The following ZNF429 variants were observed in gnomAD, a reference collection of about 807,000 sequenced individuals.
The protein encoded by ZNF429 is zinc finger protein 429.
A neutral mutation model predicts 56.8 loss-of-function variants in ZNF429; 53 were observed. The observed-to-expected ratio is 0.93, with a 90% CI of 0.75 to 1.17. ZNF429 has a LOEUF of 1.17. ZNF429 is among the 50% of genes most tolerant of loss of function. The pLI, the probability that ZNF429 is intolerant of heterozygous loss-of-function variation, is 0.00. For missense variants in ZNF429, 849 were observed against 788.4 expected, an observed-to-expected ratio of 1.08 and a Z score of -0.92; for synonymous variants, 278 against 264.7, an observed-to-expected ratio of 1.05 and a Z score of -0.49.
chr19:21,536,925 GC>G lies in ZNF429; in HGVS notation c.873del (p.Thr293ProfsTer13). ...AAGCCCTACAAATGTGATGAATGTGGCAAAACCTTTAGCATATCCTCAACCT... is the reference window on the plus strand; with the variant it reads ...AAGCCCTACAAATGTGATGAATGTGGAAAACCTTTAGCATATCCTCAACCT... ...GEKPYKCDEC[G>X]KTFSISSTFT... On this transcript the variant is annotated frameshift_variant, in exon 4 of 4. Coordinates refer to ENST00000358491, the MANE Select transcript of ZNF429 (RefSeq NM_001001415.4). LOFTEE classifies it high-confidence loss of function. The G allele has an allele frequency of 6.2e-7, 1 of 1,612,288 alleles. No individual in the cohort carries two copies.
chr19:21,511,138 C>T (rs1375324805), intron 1 of ZNF429, among the ~76,000 whole-genome samples: 1 of 152,190 alleles, frequency 6.6e-6, no homozygotes, highest in Non-Finnish European at 1.5e-5. Context: ...AGGGGCTCCT[C>T]ACTTCCCAGA....
In ZNF429 at chr19:21,540,441, C is replaced by T. The variant is rs562537944; in HGVS notation, c.*2363C>T. On this transcript the variant is annotated 3_prime_UTR_variant, in exon 4 of 4. Transcript: ENST00000358491. ...TACATAATATGTGTATATATTTATG[C>T]AAATCTGGCATATTTTGATAGAGGC... Among the ~76,000 whole-genome samples, 32 of 151,666 alleles carry T rather than the reference C, an allele frequency of 2.1e-4. No individual in the cohort carries two copies. The South Asian group carries it at 3.1e-3, about 15-fold the overall frequency.
In ZNF429 at chr19:21,537,700, C is replaced by G; in HGVS notation, c.1647C>G (p.Ser549=). 6.2e-7 allele frequency: 1 copy of G among 1,611,626 alleles called. No homozygotes were observed. Among genetic ancestry groups the G allele is most frequent in the Non-Finnish European group, 8.5e-7 (1 of 1,179,464 alleles). ...CEECGKAFNR[S]SRLTQHKKIH... is the part of the protein sequence containing the mutation. ...AATGTGGCAAAGCTTTTAACCGGTC[C>G]TCAAGACTTACTCAACATAAGAAAA... Residue 549 remains serine (S), a synonymous_variant, in exon 4 of 4, where the codon TCC becomes TCG. Transcript: ENST00000358491.
rs527305081 is a variant in ZNF429 at position 21,539,058 on chromosome 19, C to CT, written c.*988dup. On this transcript the variant is annotated 3_prime_UTR_variant, in exon 4 of 4. Transcript: ENST00000358491. ...AGCAAGTGTAATAAATTTGGAAAAA[C>CT]TTTTTTTTCCCCAAAAACTATACCT... 6.6e-6 allele frequency among the ~76,000 whole-genome samples: 1 copy of CT among 151,902 alleles called. No individual in the cohort carries two copies. The highest frequency in any genetic ancestry group is 6.6e-5 in the Admixed American group (1 of 15,236).
chr19:21,517,747 G>A (rs2032815545), intron 1 of ZNF429, among the ~76,000 whole-genome samples: 1 of 150,262 alleles, frequency 6.7e-6, no homozygotes, highest in East Asian at 1.9e-4. Flanking sequence ...GACTTCAGTA[G>A]TTATTTGTAT....
chr19:21,509,767 T>C (rs1447855615), intron 1 of ZNF429, among the ~76,000 whole-genome samples: 1 of 152,168 alleles, frequency 6.6e-6, no homozygotes, highest in African/African-American at 2.4e-5. Flanking sequence ...TTTTAGACTT[T>C]GTAAAGTAGA....
chr19:21,525,155 A>G (rs1452842527), intron 1 of ZNF429, among the ~76,000 whole-genome samples: 1 of 152,152 alleles, frequency 6.6e-6, no homozygotes, highest in African/African-American at 2.4e-5. Flanking sequence ...GTAACTTCTG[A>G]TGTCATCAGC....
intron 3 of ZNF429, among the ~76,000 whole-genome samples, chr19:21,531,129 ACCAAAAAAAAAAAAAC>A: frequency 1.1e-5 from 1 of 94,630 alleles, no homozygotes; most frequent in Admixed American, 1.0e-4. Flanking sequence ...AAAAAAAAAA[ACCAAAAAAAAAAAAAC>A]ACCCGTCTTG....
chr19:21,539,497 C>T lies in ZNF429; in HGVS notation c.*1419C>T, dbSNP rs1234614324. 6.6e-6 allele frequency among the ~76,000 whole-genome samples: 1 copy of T among 151,970 alleles called. No homozygotes were observed. The highest frequency in any genetic ancestry group is 6.6e-5 in the Admixed American group (1 of 15,240). On this transcript the variant is annotated 3_prime_UTR_variant, in exon 4 of 4. Transcript: ENST00000358491. The stretch of plus-strand genomic sequence containing the variant: ...AGTTCAGTGGCACAATTTCAGCTTG[C>T]TGCCAACTTCGACCTTTGGGTTCAA...
intron 1 of ZNF429, among the ~76,000 whole-genome samples, chr19:21,508,856 C>T (rs781240247): frequency 5.3e-5 from 8 of 152,142 alleles, no homozygotes; most frequent in Non-Finnish European, 1.0e-4. Context: ...AGGTGAGTTA[C>T]ATGAATTCAT....
intron 1 of ZNF429, among the ~76,000 whole-genome samples, chr19:21,513,397 C>T (rs1023508800): frequency 6.6e-6 from 1 of 152,104 alleles, no homozygotes; most frequent in Non-Finnish European, 1.5e-5. Flanking sequence ...CTCTGAGTAG[C>T]TCTGTCCAAT....
chr19:21,513,575 A>G (rs1188963780), intron 1 of ZNF429, among the ~76,000 whole-genome samples: 1 of 152,170 alleles, frequency 6.6e-6, no homozygotes, highest in Non-Finnish European at 1.5e-5. Context: ...TTCAAATGTT[A>G]GACATTGAGT....
intron 1 of ZNF429, among the ~76,000 whole-genome samples, chr19:21,522,917 C>T (rs894394653): frequency 6.6e-5 from 10 of 151,724 alleles, no homozygotes; most frequent in Admixed American, 2.0e-4. Context: ...AAAGTGTATA[C>T]TGTCCCGTAA....
intron 1 of ZNF429, among the ~76,000 whole-genome samples, chr19:21,510,368 G>A (rs549646240): frequency 2.0e-5 from 3 of 152,242 alleles, no homozygotes; most frequent in Admixed American, 2.0e-4. Flanking sequence ...AAATTTCAGC[G>A]AGGTCTGATA....
chr19:21,522,573 T>G (rs925741291), intron 1 of ZNF429, among the ~76,000 whole-genome samples: 2 of 152,194 alleles, frequency 1.3e-5, no homozygotes, highest in African/African-American at 4.8e-5. Context: ...TAGAGGGTAC[T>G]TTTCCTCTCA....
At position 21,533,664 on chromosome 19, in the gene ZNF429, G is replaced by GT; in HGVS notation, c.227-2608dup. ...ACTTTATTTTACCAGTGTTTCTTTT[G>GT]TTTTTTTTCAATACAGAGTCTTGCT... On this transcript the variant is annotated intron_variant, in intron 3 of 3. Transcript: ENST00000358491. 8.8e-4 allele frequency among the ~76,000 whole-genome samples: 131 copies of GT among 149,230 alleles called. 1 individual carries two copies. Among genetic ancestry groups the GT allele is most frequent in the African/African-American group, 3.0e-3 (121 of 40,576 alleles).
In ZNF429 at chr19:21,538,220, T is replaced by G. The variant is rs1218685805; in HGVS notation, c.*142T>G. ...CCTGAACCCGGAGGTGGAGCTTGCA[T>G]TGAGCCAAGATCACACCACTGCACT... On this transcript the variant is annotated 3_prime_UTR_variant, in exon 4 of 4. Coordinates refer to ENST00000358491, the MANE Select transcript of ZNF429 (RefSeq NM_001001415.4). 1.6e-5 allele frequency: 6 copies of G among 368,178 alleles called. No homozygotes were observed. Among genetic ancestry groups the G allele is most frequent in the South Asian group, 9.0e-5 (3 of 33,440 alleles). 22.8% of individuals were successfully genotyped at this position (368,178 alleles called of 1,614,324 possible).
In ZNF429 at chr19:21,537,708, T is replaced by G; in HGVS notation, c.1655T>G (p.Leu552Arg). 2 of 1,613,974 alleles carry G rather than the reference T, an allele frequency of 1.2e-6. No individual in the cohort carries two copies. Among genetic ancestry groups the G allele is most frequent in the Non-Finnish European group, 1.7e-6 (2 of 1,180,028 alleles). The change falls in exon 4 of 4, where the codon CTT becomes CGT. Residue 552 changes from leucine (L) to arginine (R), a missense_variant. Coordinates refer to ENST00000358491, the MANE Select transcript of ZNF429 (RefSeq NM_001001415.4). ...AAAGCTTTTAACCGGTCCTCAAGAC[T>G]TACTCAACATAAGAAAATTCATACT... ...CGKAFNRSSR[L>R]TQHKKIHTGE...
At position 21,531,113 on chromosome 19, in the gene ZNF429, A is replaced by AC; in HGVS notation, c.226+429_226+430insC. 1.1e-3 allele frequency among the ~76,000 whole-genome samples: 104 copies of AC among 98,342 alleles called. 3 individuals carry two copies. In the East Asian group the frequency reaches 0.017, roughly 16 times the overall value. 64.5% of individuals were successfully genotyped at this position (98,342 alleles called of 152,430 possible). A position where few individuals can be genotyped will look rare whatever the true frequency, so the allele number is the denominator to read the frequency against. On this transcript the variant is annotated intron_variant, in intron 3 of 3. Coordinates refer to ENST00000358491, the MANE Select transcript of ZNF429 (RefSeq NM_001001415.4). ...AAGAGTGAAACTCCATCTCAAAAAAAAAAAAAAAAAAAAAAACCAAAAAAA... is the reference window on the plus strand; with the variant it reads ...AAGAGTGAAACTCCATCTCAAAAAAACAAAAAAAAAAAAAAAACCAAAAAAA...
Sources: gnomAD v4.1 joint callset for allele counts (sites outside exome capture counted in the v4.1 genomes callset) on GRCh38, gnomAD v4.1.1 for gene constraint, MANE v1.5 for transcripts, NCBI Gene and HGNC (gene_info 2026-07-23, HGNC 2026-07-21) for gene names.